ZWILCH: variants seen among roughly 807,000 people sequenced by gnomAD.
The protein encoded by ZWILCH is zwilch kinetochore protein.
Under a neutral mutation model 79.9 loss-of-function variants are expected in ZWILCH, and 74 were observed. The ratio of observed to expected loss-of-function variants is 0.93; its 90% confidence interval spans 0.77 to 1.12. The LOEUF (loss-of-function observed/expected upper bound fraction) is 1.12, where lower values mean the gene tolerates loss of function less well. Among genes scored for constraint, ZWILCH ranks in the 50% most tolerant of loss-of-function variants. The pLI, the probability that ZWILCH is intolerant of heterozygous loss-of-function variation, is 0.00. For synonymous variants in ZWILCH, 241 were observed against 228.2 expected, an observed-to-expected ratio of 1.06 and a Z score of -0.51; for missense variants, 694 against 687.5, an observed-to-expected ratio of 1.01 and a Z score of -0.11.
At chr15:66,537,928 G>A (rs1266338936) in intron 16 of ZWILCH, among the ~76,000 whole-genome samples, 2 of 151,996 alleles carry the variant, frequency 1.3e-5, no homozygotes, top group African/African-American at 4.8e-5. Flanking sequence ...CTCTGTATTT[G>A]TTATTCCTTC....
chr15:66,534,113 C>A (rs1894937915), intron 14 of ZWILCH, among the ~76,000 whole-genome samples: 2 of 151,388 alleles, frequency 1.3e-5, no homozygotes, highest in Non-Finnish European at 2.9e-5. Flanking sequence ...AGAGCAAGAC[C>A]CTGTTTCAAA....
chr15:66,535,144 C>T (rs1894970619), intron 14 of ZWILCH, among the ~76,000 whole-genome samples: 1 of 152,108 alleles, frequency 6.6e-6, no homozygotes, highest in South Asian at 2.1e-4. Context: ...TCCGCCTCCA[C>T]ATCTTGTCGC....
intron 2 of ZWILCH, among the ~76,000 whole-genome samples, chr15:66,509,654 G>A (rs141236780): frequency 6.6e-6 from 1 of 151,566 alleles, no homozygotes; most frequent in African/African-American, 2.4e-5. Flanking sequence ...TCTAATATGT[G>A]CTGACTTGTT....
rs1191032059 is a variant in ZWILCH at position 66,515,584 on chromosome 15, T to C, written c.260T>C (p.Ile87Thr). Residue 87 changes from isoleucine (I) to threonine (T), a missense_variant, in exon 4 of 19, where the codon ATA (isoleucine) becomes ACA (threonine). Ile to Thr is a moderately conservative substitution (Grantham distance 89). Transcript: ENST00000307897. ...IEELQSEETA[I>T]SDFSTGENVG... ...GAACTTCAATCTGAAGAAACTGCCA[T>C]ATCTGATTTCTCTACTGGCGAAAAT... 1.9e-6 allele frequency: 3 copies of C among 1,613,418 alleles called. No homozygotes were observed. The South Asian group carries it at 3.3e-5, about 18-fold the overall frequency.
chr15:66,546,039 G>C (rs1260194378), intron 17 of ZWILCH, among the ~76,000 whole-genome samples: 1 of 152,172 alleles, frequency 6.6e-6, no homozygotes, highest in African/African-American at 2.4e-5. Context: ...AGGAGAAAAC[G>C]TGACCAGTGG....
At chr15:66,520,470 A>C in intron 5 of ZWILCH, 120 bp from the exon 6 acceptor site, 2 of 659,208 alleles carry the variant, frequency 3.0e-6, no homozygotes, top group East Asian at 2.8e-5. Flanking sequence ...TTAAAATTTA[A>C]TTTTAACAGT....
chr15:66,505,506 T>C (rs1334135342), intron 1 of ZWILCH, 115 bp downstream of exon 1: 1 of 1,329,968 alleles, frequency 7.5e-7, no homozygotes, highest in African/African-American at 1.5e-5. Context: ...TTGCCAGCTT[T>C]CCTGGGGTCC....
At chr15:66,532,424 A>T in intron 13 of ZWILCH, 21 bp downstream of exon 13, 1 of 1,576,690 alleles carries the variant, frequency 6.3e-7, no homozygotes, top group Non-Finnish European at 8.6e-7. Context: ...TTCCTGGCTC[A>T]AAAAATTAAA....
At chr15:66,515,763 C>T in intron 4 of ZWILCH, 119 bp downstream of exon 4, 2 of 736,438 alleles carry the variant, frequency 2.7e-6, no homozygotes, top group Non-Finnish European at 4.8e-6. Context: ...CCCCCACCCC[C>T]TGATAAGTAT....
chr15:66,519,050 A>G lies in ZWILCH; in HGVS notation c.492A>G (p.Gly164=). Residue 164 remains glycine (G), a synonymous_variant, in exon 5 of 19, where the codon GGA becomes GGG. Transcript: ENST00000307897. ...ELITTNNSIT[G]IVLYVVSCKA... The stretch of plus-strand genomic sequence containing the variant: ...TCACAACAAACAACAGCATTACAGG[A>G]ATTGTCTTATATGTGGTCAGTTGTA... 1 of 1,614,146 alleles carries G rather than the reference A, an allele frequency of 6.2e-7. No individual in the cohort carries two copies. The highest frequency in any genetic ancestry group is 8.5e-7 in the Non-Finnish European group (1 of 1,180,012).
intron 7 of ZWILCH, among the ~76,000 whole-genome samples, chr15:66,522,540 A>G (rs1894535794): frequency 6.6e-6 from 1 of 151,788 alleles, no homozygotes. Context: ...GGTTTTCACC[A>G]TGTTGGCCAG....
At chr15:66,531,788 G>T (rs983693969) in intron 12 of ZWILCH, among the ~76,000 whole-genome samples, 4 of 152,070 alleles carry the variant, frequency 2.6e-5, no homozygotes, top group Admixed American at 6.6e-5. Flanking sequence ...TGACGTTCTG[G>T]CCGAGTGCCA....
In ZWILCH at chr15:66,549,931, A is replaced by C. The variant is rs1284291710; in HGVS notation, c.*1607A>C. On this transcript the variant is annotated 3_prime_UTR_variant, in exon 19 of 19. Transcript: ENST00000307897. ...AAGAAACCTGATTTTAATCATAAGT[A>C]GTTTTGGAAGATTGACTTCAAGTAG... 1 of 599,816 alleles carries C rather than the reference A, an allele frequency of 1.7e-6. No individual in the cohort carries two copies. The highest frequency in any genetic ancestry group is 1.9e-5 in the African/African-American group (1 of 51,578). The allele number at this position is 599,816 out of a possible 1,614,324, so 37.2% of individuals were successfully genotyped here.
At chr15:66,527,618 C>T (rs796191735) in intron 9 of ZWILCH, among the ~76,000 whole-genome samples, 2 of 152,036 alleles carry the variant, frequency 1.3e-5, no homozygotes, top group Non-Finnish European at 2.9e-5. Flanking sequence ...GAATCAGTAG[C>T]CTTTGAATAC....
At chr15:66,531,997 G>A (rs145123033) in intron 12 of ZWILCH, among the ~76,000 whole-genome samples, 1,965 of 152,182 alleles carry the variant, frequency 0.013, 35 homozygotes, top group African/African-American at 0.045. Flanking sequence ...AACCTGGGAG[G>A]TAGAGGTTGC....
intron 11 of ZWILCH, 88 bp from the exon 12 acceptor site, chr15:66,529,406 T>A: frequency 3.7e-6 from 3 of 806,346 alleles, no homozygotes; most frequent in Non-Finnish European, 5.9e-6. Flanking sequence ...TCTTGCTTTC[T>A]ACTTCATTTG....
At position 66,515,562 on chromosome 15, in the gene ZWILCH, C is replaced by T. The variant is rs748568573; in HGVS notation, c.238C>T (p.Leu80Phe). Residue 80 changes from leucine to phenylalanine, a missense_variant, in exon 4 of 19, where the codon CTT (leucine) becomes TTT (phenylalanine). Coordinates refer to ENST00000307897, the MANE Select transcript of ZWILCH (RefSeq NM_017975.5). ...GGAAGAAACAAGTCATATTGAAGAACTTCAATCTGAAGAAACTGCCATATC... is the reference window on the plus strand; with the variant it reads ...GGAAGAAACAAGTCATATTGAAGAATTTCAATCTGAAGAAACTGCCATATC... The part of the protein sequence containing the change: ...EKEETSHIEE[L>F]QSEETAISDF... 4.3e-6 allele frequency: 7 copies of T among 1,612,130 alleles called. No homozygotes were observed. The Admixed American group carries it at 8.4e-5, about 19-fold the overall frequency.
intron 2 of ZWILCH, among the ~76,000 whole-genome samples, chr15:66,511,895 G>A (rs142657860): frequency 2.3e-4 from 35 of 152,142 alleles, no homozygotes; most frequent in African/African-American, 7.7e-4. Context: ...GATTACATTC[G>A]TGAGCCACTG....
intron 8 of ZWILCH, 45 bp from the exon 9 acceptor site, chr15:66,527,245 G>A (rs747422487): frequency 1.1e-5 from 14 of 1,322,260 alleles, no homozygotes; most frequent in East Asian, 2.3e-5. Context: ...TGATTAAACA[G>A]TGTTTTCTGC....
Sources: allele counts gnomAD v4.1 joint callset (sites outside exome capture counted in the v4.1 genomes callset), GRCh38; gene constraint gnomAD v4.1.1; transcripts MANE v1.5; gene names NCBI Gene and HGNC (gene_info 2026-07-23, HGNC 2026-07-21).